The following CRPPA variants were observed in gnomAD, a reference collection of about 807,000 sequenced individuals.
The protein encoded by CRPPA is D-ribitol-5-phosphate cytidylyltransferase.
In CRPPA, 43 loss-of-function variants were observed where a neutral mutation model predicts 52.0. That is an observed-to-expected ratio of 0.83 (90% CI 0.65 to 1.07). CRPPA has a LOEUF of 1.07. Among genes scored for constraint, CRPPA ranks in the 50% least tolerant of loss-of-function variants. CRPPA has a pLI of 0.00. For synonymous variants in CRPPA, 250 were observed against 203.5 expected, an observed-to-expected ratio of 1.23 and a Z score of -1.94; for missense variants, 629 against 551.7, an observed-to-expected ratio of 1.14 and a Z score of -1.40.
Position 16,192,541 on chromosome 7 carries a change from A to G in CRPPA, c.1251+23525T>C, listed in dbSNP as rs117896536. Reference sequence around the variant, plus strand: ...GCTGATTAAAATGTAGAACATTTCCATCATCTCTCTTGCCCTTTTCCACTA... The same window carrying G: ...GCTGATTAAAATGTAGAACATTTCCGTCATCTCTCTTGCCCTTTTCCACTA... On this transcript the variant is annotated intron_variant, in intron 9 of 9. Transcript: ENST00000407010. Among the ~76,000 whole-genome samples, 180 of 152,244 alleles carry G rather than the reference A, an allele frequency of 1.2e-3. 2 individuals carry two copies. The East Asian group carries it at 0.03, about 26-fold the overall frequency.
At chr7:16,414,725 T>C (rs1457755376) in intron 1 of CRPPA, among the ~76,000 whole-genome samples, 1 of 152,232 alleles carries the variant, frequency 6.6e-6, no homozygotes, top group Non-Finnish European at 1.5e-5. Context: ...GTTTATAACC[T>C]GGGGTTCAAC....
chr7:16,330,647 T>C (rs565668104), intron 3 of CRPPA, among the ~76,000 whole-genome samples: 2 of 152,340 alleles, frequency 1.3e-5, no homozygotes, highest in Admixed American at 1.3e-4. Flanking sequence ...CCCATGCTTC[T>C]GTGAGTTTTA....
At chr7:16,385,625 C>A (rs566700198) in intron 2 of CRPPA, among the ~76,000 whole-genome samples, 1 of 152,288 alleles carries the variant, frequency 6.6e-6, no homozygotes, top group South Asian at 2.1e-4. Context: ...AACAAATGTT[C>A]AGCCTGAAGG....
At position 16,371,134 on chromosome 7, in the gene CRPPA, C is replaced by T. The variant is rs542200300; in HGVS notation, c.684+4958G>A. Among the ~76,000 whole-genome samples the T allele has an allele frequency of 3.3e-3, 501 of 152,058 alleles. 1 individual carries two copies. The highest frequency in any genetic ancestry group is 0.01 in the Middle Eastern group (3 of 292). On this transcript the variant is annotated intron_variant, in intron 3 of 9. Coordinates refer to ENST00000407010, the MANE Select transcript of CRPPA (RefSeq NM_001101426.4). The stretch of plus-strand genomic sequence containing the variant: ...TCTTCAGCATGTCTAATTGAGAGCT[C>T]CCCCAGCCACCTTTATCAAGGCTAG...
chr7:16,348,393 G>A (rs1192826025), intron 3 of CRPPA, among the ~76,000 whole-genome samples: 1 of 152,166 alleles, frequency 6.6e-6, no homozygotes, highest in Non-Finnish European at 1.5e-5. Context: ...TCCCCTGAGA[G>A]TAGAGAAAGG....
At chr7:16,119,334 T>C (rs1206063324) in intron 9 of CRPPA, among the ~76,000 whole-genome samples, 1 of 151,810 alleles carries the variant, frequency 6.6e-6, no homozygotes, top group Non-Finnish European at 1.5e-5. Flanking sequence ...ATCTCATTGG[T>C]AGACCATGTT....
At chr7:16,201,072 A>G (rs1781841800) in intron 9 of CRPPA, among the ~76,000 whole-genome samples, 1 of 152,184 alleles carries the variant, frequency 6.6e-6, no homozygotes. Context: ...AAAATAAATT[A>G]AAACAATAGT....
chr7:16,180,310 A>G (rs1781385138), intron 9 of CRPPA, among the ~76,000 whole-genome samples: 1 of 152,110 alleles, frequency 6.6e-6, no homozygotes, highest in Non-Finnish European at 1.5e-5. Context: ...AACCAGAAAT[A>G]TAGGTACAAT....
intron 8 of CRPPA, among the ~76,000 whole-genome samples, chr7:16,224,176 AT>A: frequency 6.6e-6 from 1 of 152,054 alleles, no homozygotes; most frequent in Non-Finnish European, 1.5e-5. Flanking sequence ...TCCTCTGTGC[AT>A]TTTGTGTCTT....
At chr7:16,283,274 C>A (rs1170961793) in intron 5 of CRPPA, among the ~76,000 whole-genome samples, 1 of 141,780 alleles carries the variant, frequency 7.1e-6, no homozygotes, top group Non-Finnish European at 1.6e-5. Flanking sequence ...ATAAATGATA[C>A]TATCTATAGA....
intron 9 of CRPPA, among the ~76,000 whole-genome samples, chr7:16,185,642 G>C (rs144834204): frequency 2.6e-4 from 40 of 152,226 alleles, no homozygotes; most frequent in African/African-American, 9.6e-4. Context: ...ATGATTAAGA[G>C]AATAATAGTA....
chr7:16,169,911 A>G (rs1024041228), intron 9 of CRPPA, among the ~76,000 whole-genome samples: 4 of 152,232 alleles, frequency 2.6e-5, no homozygotes, highest in African/African-American at 9.6e-5. Flanking sequence ...TGATAATATT[A>G]AACTATAAAT....
intron 1 of CRPPA, among the ~76,000 whole-genome samples, chr7:16,420,381 A>G (rs1788296590): frequency 6.6e-6 from 1 of 152,086 alleles, no homozygotes; most frequent in Non-Finnish European, 1.5e-5. Flanking sequence ...TAATATTATA[A>G]CATACCCCTT....
intron 9 of CRPPA, among the ~76,000 whole-genome samples, chr7:16,211,490 G>A (rs557177861): frequency 6.6e-6 from 1 of 152,094 alleles, no homozygotes; most frequent in Non-Finnish European, 1.5e-5. Flanking sequence ...AGTTTTGTGT[G>A]TTTAGTAAAT....
chr7:16,386,894 C>T (rs1455223741), intron 2 of CRPPA, among the ~76,000 whole-genome samples: 1 of 151,646 alleles, frequency 6.6e-6, no homozygotes, highest in Non-Finnish European at 1.5e-5. Flanking sequence ...GTGGTGAATG[C>T]CTGTAGTCCC....
intron 3 of CRPPA, among the ~76,000 whole-genome samples, chr7:16,359,405 T>C (rs1389977197): frequency 2.6e-5 from 4 of 152,234 alleles, no homozygotes; most frequent in Non-Finnish European, 4.4e-5. Context: ...TAGTCAACAG[T>C]TGTCATCGTT....
intron 9 of CRPPA, among the ~76,000 whole-genome samples, chr7:16,121,495 A>C (rs1782480106): frequency 6.6e-6 from 1 of 152,108 alleles, no homozygotes; most frequent in Non-Finnish European, 1.5e-5. Context: ...ATAATAATAA[A>C]AACCTTAACT....
chr7:16,168,152 G>C (rs1247131250), intron 9 of CRPPA, among the ~76,000 whole-genome samples: 2 of 152,126 alleles, frequency 1.3e-5, no homozygotes, highest in Non-Finnish European at 2.9e-5. Flanking sequence ...CATAAGAAAA[G>C]TGACAAAATC....
In CRPPA at chr7:16,209,044, T is replaced by C; in HGVS notation, c.1251+7022A>G. The C allele has an allele frequency of 4.6e-6, 2 of 436,046 alleles. 1 individual carries two copies. Among genetic ancestry groups the C allele is most frequent in the South Asian group, 3.6e-5 (2 of 55,486 alleles). 27.0% of individuals were successfully genotyped at this position (436,046 alleles called of 1,614,324 possible). ...GGGCAAGAAGGGCAAGGATTTTCTGTATGCCCAGGGGAAGTGGTGTTATGA... is the reference window on the plus strand; with the variant it reads ...GGGCAAGAAGGGCAAGGATTTTCTGCATGCCCAGGGGAAGTGGTGTTATGA... On this transcript the variant is annotated intron_variant, in intron 9 of 9. Coordinates refer to ENST00000407010, the MANE Select transcript of CRPPA (RefSeq NM_001101426.4).
Sources: allele counts gnomAD v4.1 joint callset (sites outside exome capture counted in the v4.1 genomes callset), GRCh38; gene constraint gnomAD v4.1.1; transcripts MANE v1.5; gene names NCBI Gene and HGNC (gene_info 2026-07-23, HGNC 2026-07-21).